THSD7B: variants seen among roughly 807,000 people sequenced by gnomAD.
THSD7B encodes thrombospondin type-1 domain-containing protein 7B.
A neutral mutation model predicts 213.6 loss-of-function variants in THSD7B; 138 were observed. The ratio of observed to expected loss-of-function variants is 0.65; its 90% CI spans 0.56 to 0.74. The LOEUF (loss-of-function observed/expected upper bound fraction) is 0.74. Among genes scored for constraint, THSD7B ranks in the 30% least tolerant of loss-of-function variants. The probability of loss-of-function intolerance (pLI) is 0.00; values close to 1 mark genes in which losing one functional copy is unlikely to be tolerated. For synonymous variants in THSD7B, 742 were observed against 687.0 expected, an observed-to-expected ratio of 1.08 and a Z score of -1.25; for missense variants, 1,931 against 1,991.5, an observed-to-expected ratio of 0.97 and a Z score of 0.58.
chr2:137,263,183 A>T (rs1181960791), intron 10 of THSD7B, among the ~76,000 whole-genome samples: 1 of 152,134 alleles, frequency 6.6e-6, no homozygotes. Context: ...TAGCGTATGC[A>T]GATATAAACA....
At chr2:137,412,624 A>C (rs1686689536) in intron 14 of THSD7B, among the ~76,000 whole-genome samples, 1 of 111,876 alleles carries the variant, frequency 8.9e-6, no homozygotes, top group South Asian at 3.6e-4. Context: ...AAAAAAACAA[A>C]AAACAGTTTT....
In THSD7B at chr2:137,261,842, C is replaced by T. The variant is rs188863861; in HGVS notation, c.2267-10691C>T. Among the ~76,000 whole-genome samples the T allele has an allele frequency of 1.9e-4, 29 of 151,370 alleles. 2 individuals are homozygous for T. In the East Asian group the frequency reaches 5.3e-3, roughly 27 times the overall value. ...CTGATATTTAATGTCTGAGTAATTT[C>T]CCTCACCTTACATTTGGAAAACCAA... On this transcript the variant is annotated intron_variant, in intron 10 of 27. Transcript: ENST00000409968.
At chr2:137,206,231 G>T (rs1216087708) in intron 7 of THSD7B, among the ~76,000 whole-genome samples, 3 of 151,914 alleles carry the variant, frequency 2.0e-5, no homozygotes, top group Non-Finnish European at 4.4e-5. Context: ...GAGGTAGGAG[G>T]AGTCCTTAAA....
chr2:137,069,492 T>C (rs1687440684), intron 3 of THSD7B, among the ~76,000 whole-genome samples: 1 of 152,046 alleles, frequency 6.6e-6, no homozygotes, highest in Non-Finnish European at 1.5e-5. Flanking sequence ...GAGGAACGTT[T>C]GGTTTGGGCA....
chr2:137,617,038 A>T (rs917970352), intron 18 of THSD7B, among the ~76,000 whole-genome samples: 2 of 152,076 alleles, frequency 1.3e-5, no homozygotes, highest in Admixed American at 1.3e-4. Context: ...AAAGAAAAAA[A>T]AAAATCCTCA....
At chr2:137,672,917 G>A (rs1283489706) in intron 27 of THSD7B, among the ~76,000 whole-genome samples, 1 of 152,106 alleles carries the variant, frequency 6.6e-6, no homozygotes, top group Non-Finnish European at 1.5e-5. Context: ...AATTTAATGG[G>A]GATGACCACT....
intron 16 of THSD7B, among the ~76,000 whole-genome samples, chr2:137,567,639 T>A (rs1023591758): frequency 8.5e-5 from 13 of 152,174 alleles, no homozygotes; most frequent in African/African-American, 3.1e-4. Flanking sequence ...AGTTTGGTGA[T>A]AAAATGATTG....
chr2:137,217,700 T>C (rs1681281541), intron 7 of THSD7B, among the ~76,000 whole-genome samples: 1 of 152,154 alleles, frequency 6.6e-6, no homozygotes, highest in Non-Finnish European at 1.5e-5. Context: ...CAAAAACATC[T>C]CAGATGCTAA....
chr2:137,026,859 C>T (rs1233077862), intron 2 of THSD7B, among the ~76,000 whole-genome samples: 3 of 152,138 alleles, frequency 2.0e-5, no homozygotes, highest in African/African-American at 7.2e-5. Flanking sequence ...TTTATCTCGG[C>T]AGTTTCCTTA....
At chr2:137,002,576 C>T (rs1164822972) in intron 2 of THSD7B, among the ~76,000 whole-genome samples, 2 of 152,090 alleles carry the variant, frequency 1.3e-5, no homozygotes, top group Admixed American at 6.6e-5. Context: ...AGACAGAGGT[C>T]GCACCCCTTT....
At chr2:137,103,811 G>T (rs1188048200) in intron 4 of THSD7B, among the ~76,000 whole-genome samples, 1 of 152,014 alleles carries the variant, frequency 6.6e-6, no homozygotes, top group Non-Finnish European at 1.5e-5. Context: ...AATGGTAAAG[G>T]GATAAACGCA....
At chr2:137,198,223 A>G (rs945001788) in intron 7 of THSD7B, among the ~76,000 whole-genome samples, 1 of 152,030 alleles carries the variant, frequency 6.6e-6, no homozygotes, top group Admixed American at 6.6e-5. Flanking sequence ...TTTCTCTTGT[A>G]CTCATTTATT....
chr2:137,128,454 G>T (rs1688666544), intron 5 of THSD7B, among the ~76,000 whole-genome samples: 1 of 152,116 alleles, frequency 6.6e-6, no homozygotes, highest in Non-Finnish European at 1.5e-5. Context: ...TACTTTCTGG[G>T]TTCCTCTACT....
chr2:137,653,667 T>C (rs1007702415), intron 21 of THSD7B, among the ~76,000 whole-genome samples: 2 of 150,830 alleles, frequency 1.3e-5, no homozygotes, highest in Non-Finnish European at 2.9e-5. Flanking sequence ...CTGTCTTTGA[T>C]CTCCCTAATT....
chr2:137,041,600 G>T (rs1573784144), intron 2 of THSD7B, among the ~76,000 whole-genome samples: 1 of 149,450 alleles, frequency 6.7e-6, no homozygotes. Context: ...GTAAGAAACA[G>T]AATTGGCTTA....
At chr2:137,237,473 T>TACA (rs1681791562) in intron 9 of THSD7B, among the ~76,000 whole-genome samples, 1 of 152,206 alleles carries the variant, frequency 6.6e-6, no homozygotes, top group Non-Finnish European at 1.5e-5. Context: ...CACTTACTGT[T>TACA]ACTAAACGTT....
intron 12 of THSD7B, among the ~76,000 whole-genome samples, chr2:137,348,751 T>C (rs903242543): frequency 1.7e-4 from 24 of 140,806 alleles, no homozygotes; most frequent in African/African-American, 6.3e-4. Context: ...ACTAGGGGCA[T>C]GGGAGTGGAG....
intron 1 of THSD7B, among the ~76,000 whole-genome samples, chr2:136,785,414 C>T (rs773877778): frequency 6.6e-6 from 1 of 152,096 alleles, no homozygotes; most frequent in Non-Finnish European, 1.5e-5. Context: ...CCACCTTGGC[C>T]ACAGCAGTGT....
chr2:136,844,082 A>G (rs1682960056), intron 1 of THSD7B, among the ~76,000 whole-genome samples: 1 of 152,108 alleles, frequency 6.6e-6, no homozygotes, highest in African/African-American at 2.4e-5. Flanking sequence ...TGTGATTTTG[A>G]TCTTTTTCAG....
Sources: allele counts gnomAD v4.1 joint callset (sites outside exome capture counted in the v4.1 genomes callset), GRCh38; gene constraint gnomAD v4.1.1; transcripts MANE v1.5; gene names NCBI Gene and HGNC (gene_info 2026-07-23, HGNC 2026-07-21).